Variants in LUZP2 observed in about 807,000 individuals in gnomAD.
LUZP2 encodes leucine zipper protein 2.
Under a neutral mutation model 51.6 loss-of-function variants are expected in LUZP2, and 52 were observed. The observed-to-expected ratio is 1.01, with a 90% CI of 0.81 to 1.27. LUZP2 has a LOEUF of 1.27. Among genes scored for constraint, LUZP2 ranks in the 50% most tolerant of loss-of-function variants. The pLI, the probability that LUZP2 is intolerant of heterozygous loss-of-function variation, is 0.00. For missense variants in LUZP2, 436 were observed against 395.4 expected, an observed-to-expected ratio of 1.10 and a Z score of -0.87; for synonymous variants, 154 against 137.3, an observed-to-expected ratio of 1.12 and a Z score of -0.85.
chr11:24,913,825 T>C (rs990671623), intron 6 of LUZP2, among the ~76,000 whole-genome samples: 1 of 152,076 alleles, frequency 6.6e-6, no homozygotes, highest in Non-Finnish European at 1.5e-5. Flanking sequence ...ATGTTAGTAA[T>C]TGGGACTGTC....
chr11:24,927,282 C>G (rs1373531998), intron 7 of LUZP2, among the ~76,000 whole-genome samples: 1 of 151,742 alleles, frequency 6.6e-6, no homozygotes, highest in Non-Finnish European at 1.5e-5. Flanking sequence ...ATCTATTTAT[C>G]TTTGTTTTTG....
At chr11:24,606,122 A>G (rs926501170) in intron 1 of LUZP2, among the ~76,000 whole-genome samples, 1 of 146,528 alleles carries the variant, frequency 6.8e-6, no homozygotes, top group African/African-American at 2.6e-5. Context: ...ATATGTATAC[A>G]TATATATATA....
chr11:24,726,446 C>G (rs2631434), intron 1 of LUZP2, among the ~76,000 whole-genome samples: 30,937 of 151,420 alleles, frequency 0.2, 4,896 homozygotes, highest in African/African-American at 0.42. Flanking sequence ...CATGTACCTA[C>G]TAAATACCCA....
intron 5 of LUZP2, among the ~76,000 whole-genome samples, chr11:24,814,574 T>C (rs1411520158): frequency 6.6e-6 from 1 of 152,204 alleles, no homozygotes; most frequent in African/African-American, 2.4e-5. Flanking sequence ...CTTCCTTTCT[T>C]GCAAATGGTT....
At chr11:24,781,354 G>A (rs1849085235) in intron 5 of LUZP2, among the ~76,000 whole-genome samples, 1 of 151,814 alleles carries the variant, frequency 6.6e-6, no homozygotes, top group Non-Finnish European at 1.5e-5. Context: ...AAAATAGATT[G>A]ACAATATGAT....
intron 5 of LUZP2, among the ~76,000 whole-genome samples, chr11:24,868,706 CAT>C (rs1346300220): frequency 1.3e-5 from 2 of 152,088 alleles, no homozygotes; most frequent in African/African-American, 2.4e-5. Flanking sequence ...GCAATTTTAA[CAT>C]AAATTAAAAA....
chr11:24,623,471 A>T (rs939204795), intron 1 of LUZP2, among the ~76,000 whole-genome samples: 2 of 152,188 alleles, frequency 1.3e-5, no homozygotes, highest in African/African-American at 4.8e-5. Context: ...TGAAAAGAAC[A>T]CAAGGATCTA....
intron 9 of LUZP2, among the ~76,000 whole-genome samples, chr11:25,013,087 C>T (rs918785468): frequency 2.6e-5 from 4 of 151,962 alleles, no homozygotes; most frequent in Admixed American, 6.6e-5. Context: ...TGGATGAAAC[C>T]GGTTGTCATT....
chr11:24,648,727 C>T (rs755330051), intron 1 of LUZP2, among the ~76,000 whole-genome samples: 3 of 151,872 alleles, frequency 2.0e-5, no homozygotes, highest in Non-Finnish European at 4.4e-5. Context: ...AGAAAGGAAA[C>T]GATAAGGGGT....
In LUZP2 at chr11:24,728,860, G is replaced by A. The variant is rs548997221; in HGVS notation, c.63-309G>A. 5.9e-5 allele frequency among the ~76,000 whole-genome samples: 9 copies of A among 151,994 alleles called. No individual in the cohort carries two copies. The South Asian group carries it at 6.2e-4, about 11-fold the overall frequency. ...AGGTTTAGTGGATTCCACGTGGCTG[G>A]GGAGGCCTCCCAATCATGGAAGAAG... is the stretch of plus-strand genomic sequence containing the variant. On this transcript the variant is annotated intron_variant, in intron 1 of 11. Coordinates refer to ENST00000336930, the MANE Select transcript of LUZP2 (RefSeq NM_001009909.4).
At chr11:25,007,792 G>T (rs1856873480) in intron 9 of LUZP2, among the ~76,000 whole-genome samples, 1 of 152,076 alleles carries the variant, frequency 6.6e-6, no homozygotes, top group African/African-American at 2.4e-5. Context: ...CTACTGCAAG[G>T]TGTGGACTTA....
intron 1 of LUZP2, among the ~76,000 whole-genome samples, chr11:24,504,974 A>G (rs767674514): frequency 6.6e-6 from 1 of 152,178 alleles, no homozygotes; most frequent in Non-Finnish European, 1.5e-5. Flanking sequence ...TGAAGGTCAC[A>G]AGCATTTGGC....
chr11:24,962,155 A>G (rs903819515), intron 7 of LUZP2, among the ~76,000 whole-genome samples: 4 of 151,980 alleles, frequency 2.6e-5, no homozygotes, highest in Non-Finnish European at 5.9e-5. Flanking sequence ...GGGTAACCCA[A>G]CCTTTCTCTC....
chr11:24,882,277 A>G (rs1852493354), intron 5 of LUZP2, among the ~76,000 whole-genome samples: 1 of 151,948 alleles, frequency 6.6e-6, no homozygotes. Flanking sequence ...TTGTATATTT[A>G]TTTTTAGTAA....
At chr11:24,880,518 T>G (rs2134291814) in intron 5 of LUZP2, among the ~76,000 whole-genome samples, 1 of 152,302 alleles carries the variant, frequency 6.6e-6, no homozygotes, top group South Asian at 2.1e-4. Context: ...TTTGGCTATC[T>G]TGCTCTGTCC....
At chr11:25,047,178 A>G (rs1166356914) in intron 9 of LUZP2, among the ~76,000 whole-genome samples, 2 of 152,028 alleles carry the variant, frequency 1.3e-5, no homozygotes, top group Non-Finnish European at 1.5e-5. Flanking sequence ...GACTTCCAGT[A>G]TTACTATTTA....
chr11:24,950,691 A>T (rs1257313810), intron 7 of LUZP2, among the ~76,000 whole-genome samples: 1 of 151,438 alleles, frequency 6.6e-6, no homozygotes, highest in Non-Finnish European at 1.5e-5. Flanking sequence ...CCCGATAATT[A>T]CCCCAAAGAA....
At chr11:24,894,754 A>G (rs1852982023) in intron 5 of LUZP2, among the ~76,000 whole-genome samples, 2 of 152,156 alleles carry the variant, frequency 1.3e-5, no homozygotes, top group African/African-American at 4.8e-5. Flanking sequence ...GGAGCTTTCT[A>G]AAGAATGAAT....
intron 1 of LUZP2, among the ~76,000 whole-genome samples, chr11:24,518,347 A>G (rs1850542623): frequency 1.3e-5 from 2 of 152,138 alleles, no homozygotes; most frequent in South Asian, 4.1e-4. Context: ...TGTTTGTTAA[A>G]GATCTTTGAT....
Sources: gnomAD v4.1 joint callset for allele counts (sites outside exome capture counted in the v4.1 genomes callset) on GRCh38, gnomAD v4.1.1 for gene constraint, MANE v1.5 for transcripts, NCBI Gene and HGNC (gene_info 2026-07-23, HGNC 2026-07-21) for gene names.